LIN52: variants seen among roughly 807,000 people sequenced by gnomAD.
The protein encoded by LIN52 is lin-52 DREAM MuvB core complex component.
LIN52 carries 4 observed loss-of-function variants against 18.5 expected under a neutral mutation model. The observed-to-expected ratio is 0.22, with a 90% CI of 0.11 to 0.49. The LOEUF (loss-of-function observed/expected upper bound fraction) is 0.49, where lower values mean the gene tolerates loss of function less well. Ranked by LOEUF, LIN52 falls within the 20% of genes least tolerant of loss-of-function variation. The probability of loss-of-function intolerance (pLI) is 0.97; values close to 1 mark genes in which losing one functional copy is unlikely to be tolerated. For missense variants in LIN52, 102 were observed against 139.5 expected (o/e 0.73, Z 1.35); for synonymous variants, 34 against 45.5 (o/e 0.75, Z 1.02).
chr14:74,151,937 A>G (rs563118100), intron 5 of LIN52, among the ~76,000 whole-genome samples: 1 of 152,116 alleles, frequency 6.6e-6, no homozygotes, highest in Non-Finnish European at 1.5e-5. Flanking sequence ...AAGTTCATCA[A>G]ATGGATGCAT....
intron 2 of LIN52, among the ~76,000 whole-genome samples, chr14:74,092,175 T>C (rs2060776562): frequency 6.6e-6 from 1 of 151,502 alleles, no homozygotes; most frequent in Non-Finnish European, 1.5e-5. Context: ...TTTCACCATG[T>C]TGGCCAGGCT....
intron 5 of LIN52, among the ~76,000 whole-genome samples, chr14:74,127,719 A>C (rs560315032): frequency 6.6e-6 from 1 of 152,322 alleles, no homozygotes; most frequent in East Asian, 1.9e-4. Context: ...AGAATGACTT[A>C]GGACACAGAA....
At chr14:74,142,698 T>C (rs902155088) in intron 5 of LIN52, among the ~76,000 whole-genome samples, 5 of 151,564 alleles carry the variant, frequency 3.3e-5, no homozygotes, top group African/African-American at 1.2e-4. Context: ...CTGCAACCTG[T>C]TTTTGTATTC....
intron 5 of LIN52, among the ~76,000 whole-genome samples, chr14:74,146,024 A>G (rs1032623856): frequency 6.6e-6 from 1 of 152,170 alleles, no homozygotes; most frequent in Non-Finnish European, 1.5e-5. Context: ...CTCTGTGAGG[A>G]TATCTAGGTA....
At chr14:74,119,782 T>C (rs562280315) in intron 5 of LIN52, among the ~76,000 whole-genome samples, 85 of 152,252 alleles carry the variant, frequency 5.6e-4, no homozygotes, top group African/African-American at 2.0e-3. Flanking sequence ...GTGAAGTCCT[T>C]ATTAGTGTCT....
intron 5 of LIN52, among the ~76,000 whole-genome samples, chr14:74,106,678 C>T (rs578128850): frequency 6.6e-6 from 1 of 152,300 alleles, no homozygotes; most frequent in South Asian, 2.1e-4. Context: ...GCAACCTCCA[C>T]CTCCCAGGCT....
intron 5 of LIN52, among the ~76,000 whole-genome samples, chr14:74,198,432 T>C (rs2078928057): frequency 6.6e-6 from 1 of 152,194 alleles, no homozygotes; most frequent in Non-Finnish European, 1.5e-5. Flanking sequence ...TGAGGGAATA[T>C]AAACCCTGTT....
intron 5 of LIN52, among the ~76,000 whole-genome samples, chr14:74,157,470 A>T (rs1360149472): frequency 1.4e-5 from 2 of 145,906 alleles, no homozygotes; most frequent in Non-Finnish European, 3.0e-5. Flanking sequence ...TTTTTTAATT[A>T]ATTTATTTAT....
rs1175628407 is a variant in LIN52, at chr14:74,200,825, G to A, written c.*1848G>A. On this transcript the variant is annotated 3_prime_UTR_variant, in exon 6 of 6. Coordinates refer to ENST00000555028, the MANE Select transcript of LIN52 (RefSeq NM_001024674.3). ...GAAGAGTGTGTGTGTGTGTGTGCGC[G>A]CGCGCATGTGGCCAAAAAATAGTGC... is the stretch of plus-strand genomic sequence containing the variant. The A allele has an allele frequency of 2.0e-5, 3 of 151,820 alleles. No individual in the cohort carries two copies. Among genetic ancestry groups the A allele is most frequent in the Admixed American group, 6.6e-5 (1 of 15,260 alleles). The allele number at this position is 151,820 out of a possible 1,614,324, so 9.4% of individuals were successfully genotyped here.
chr14:74,197,396 C>T (rs1305468866), intron 5 of LIN52, among the ~76,000 whole-genome samples: 2 of 152,178 alleles, frequency 1.3e-5, no homozygotes, highest in South Asian at 2.1e-4. Context: ...GACAAGTGAA[C>T]AGGAGAGCAC....
intron 5 of LIN52, among the ~76,000 whole-genome samples, chr14:74,165,200 A>G (rs553399246): frequency 7.5e-4 from 115 of 152,350 alleles, no homozygotes; most frequent in Admixed American, 1.3e-3. Context: ...TTAAGTTACC[A>G]TGTATAACCC....
rs549592933 is a variant in LIN52, at chr14:74,138,083, A to G, written c.283+36845A>G. On this transcript the variant is annotated intron_variant, in intron 5 of 5. Transcript: ENST00000555028. ...ATTCCCTTCTTCTTAAAATCTGTCA[A>G]CAGCTTCTCATTGTTCTCAGGATCA... Among the ~76,000 whole-genome samples, 9 of 152,320 alleles carry G rather than the reference A, an allele frequency of 5.9e-5. No homozygotes were observed. In the East Asian group the frequency reaches 1.7e-3, roughly 29 times the overall value.
chr14:74,130,282 T>TTTTTTTTTG (rs2061056467), intron 5 of LIN52, among the ~76,000 whole-genome samples: 1 of 81,472 alleles, frequency 1.2e-5, no homozygotes, highest in Non-Finnish European at 2.3e-5. Context: ...TTTTTGGTTT[T>TTTTTTTTTG]TTTTTTTTTT....
chr14:74,101,834 T>TA (rs1489137762), intron 5 of LIN52, among the ~76,000 whole-genome samples: 1 of 152,118 alleles, frequency 6.6e-6, no homozygotes. Flanking sequence ...GACAGAGTCT[T>TA]ACTATGTTGC....
chr14:74,097,970 C>T, intron 4 of LIN52, 110 bp downstream of exon 4: 1 of 714,394 alleles, frequency 1.4e-6, no homozygotes, highest in East Asian at 2.7e-5. Flanking sequence ...TCAGACTTCT[C>T]ATTTAAACCT....
At position 74,151,814 on chromosome 14, in the gene LIN52, T is replaced by C. The variant is rs548456140; in HGVS notation, c.284-47108T>C. On this transcript the variant is annotated intron_variant, in intron 5 of 5. Transcript: ENST00000555028. ...AAGAACTACATGCAAGTCCTGACTT[T>C]GCTCCTTATTAGGTAGTGACCTTGG... 2.6e-5 allele frequency among the ~76,000 whole-genome samples: 4 copies of C among 152,302 alleles called. No homozygotes were observed. The South Asian group carries it at 8.3e-4, about 32-fold the overall frequency.
intron 2 of LIN52, among the ~76,000 whole-genome samples, chr14:74,092,311 A>G (rs1466016280): frequency 7.0e-6 from 1 of 142,060 alleles, no homozygotes; most frequent in Non-Finnish European, 1.5e-5. Context: ...ATATATATAT[A>G]TATGTTTTTT....
rs1035525288 is a variant in LIN52 at position 74,137,339 on chromosome 14, A to T, written c.283+36101A>T. ...CACATCCAACAAAAATAATTTAAAA[A>T]ATCTAATATATTTTCACATTCAGAC... On this transcript the variant is annotated intron_variant, in intron 5 of 5. Transcript: ENST00000555028. Among the ~76,000 whole-genome samples, 6 of 151,596 alleles carry T rather than the reference A, an allele frequency of 4.0e-5. No homozygotes were observed. In the South Asian group the frequency reaches 1.2e-3, roughly 31 times the overall value.
At chr14:74,124,145 T>C (rs1371700670) in intron 5 of LIN52, among the ~76,000 whole-genome samples, 3 of 152,122 alleles carry the variant, frequency 2.0e-5, no homozygotes, top group Non-Finnish European at 2.9e-5. Flanking sequence ...CAAAAAAGAA[T>C]TGAGCTAGGT....
Sources: gnomAD v4.1 joint callset for allele counts (sites outside exome capture counted in the v4.1 genomes callset) on GRCh38, gnomAD v4.1.1 for gene constraint, MANE v1.5 for transcripts, NCBI Gene and HGNC (gene_info 2026-07-23, HGNC 2026-07-21) for gene names.